Variants in ZRANB2 observed in about 807,000 individuals in gnomAD.
The protein encoded by ZRANB2 is zinc finger RANBP2-type containing 2.
In ZRANB2, 19 loss-of-function variants were observed where a neutral mutation model predicts 53.4. The observed-to-expected ratio is 0.36, with a 90% CI of 0.25 to 0.52. The LOEUF (loss-of-function observed/expected upper bound fraction) is 0.52, where lower values mean the gene tolerates loss of function less well. Among genes scored for constraint, ZRANB2 ranks in the 20% least tolerant of loss-of-function variants. The probability of loss-of-function intolerance (pLI) is 0.93; values close to 1 mark genes in which losing one functional copy is unlikely to be tolerated. For synonymous variants in ZRANB2, 145 were observed against 134.8 expected, an observed-to-expected ratio of 1.08 and a Z score of -0.52; for missense variants, 309 against 401.1, an observed-to-expected ratio of 0.77 and a Z score of 1.96.
Position 71,076,883 on chromosome 1 carries a change from G to C in ZRANB2, c.219-6C>G. 2 of 1,607,516 alleles carry C rather than the reference G, an allele frequency of 1.2e-6. No individual in the cohort carries two copies. Among genetic ancestry groups the C allele is most frequent in the Non-Finnish European group, 1.7e-6 (2 of 1,175,446 alleles). ...CCCAATTCACATTGCTGCAACTTTA[G>C]AAGTGAAAAATACTAAATTAGTAGG... On this transcript the variant is annotated splice_polypyrimidine_tract_variant and splice_region_variant and intron_variant, in intron 3 of 9. Coordinates refer to ENST00000370920, the MANE Select transcript of ZRANB2 (RefSeq NM_203350.3).
rs1317034909 is a variant in ZRANB2 at position 71,070,928 on chromosome 1, A to G, written c.582T>C (p.Asn194=). The part of the protein sequence containing the change: ...NLDASEEEDS[N]KKKSNRRSRS... ...GACTTCGTCTATTAGATTTCTTTTTATTACTATCTTCTTCTTCACTGGCAT... is the reference window on the plus strand; with the variant it reads ...GACTTCGTCTATTAGATTTCTTTTTGTTACTATCTTCTTCTTCACTGGCAT... The change falls in exon 7 of 10, where the codon AAT becomes AAC. Residue 194 remains asparagine (N), a synonymous_variant. Transcript: ENST00000370920. The G allele has an allele frequency of 6.2e-7, 1 of 1,611,630 alleles. No individual in the cohort carries two copies. The highest frequency in any genetic ancestry group is 8.5e-7 in the Non-Finnish European group (1 of 1,178,952).
At chr1:71,078,739 A>T (rs1445437417) in intron 1 of ZRANB2, 31 bp from the exon 2 acceptor site, 1 of 1,584,974 alleles carries the variant, frequency 6.3e-7, no homozygotes, top group South Asian at 1.1e-5. Context: ...ATTTATAAAA[A>T]TTTAAATTTG....
intron 9 of ZRANB2, 56 bp downstream of exon 9, chr1:71,066,719 CT>C (rs1357061214): frequency 3.9e-6 from 6 of 1,535,102 alleles, no homozygotes; most frequent in South Asian, 1.3e-5. Flanking sequence ...GGAAAGTTTA[CT>C]TTATCTATTA....
chr1:71,073,775 T>G (rs1211502534), intron 4 of ZRANB2, among the ~76,000 whole-genome samples: 1 of 152,212 alleles, frequency 6.6e-6, no homozygotes, highest in African/African-American at 2.4e-5. Context: ...TTCAAAAGTA[T>G]GTAAATAAAA....
At position 71,063,428 on chromosome 1, in the gene ZRANB2, T is replaced by C. The variant is rs1406662174; in HGVS notation, c.*1646A>G. ...AGCTTAGTTAAACCAAATGAAATCA[T>C]AATCATCAGAATTGTCTGTAAACTA... On this transcript the variant is annotated 3_prime_UTR_variant, in exon 10 of 10. Coordinates refer to ENST00000370920, the MANE Select transcript of ZRANB2 (RefSeq NM_203350.3). The C allele has an allele frequency of 2.0e-5, 3 of 152,464 alleles. No homozygotes were observed. The highest frequency in any genetic ancestry group is 4.8e-5 in the African/African-American group (2 of 41,450). 9.4% of individuals were successfully genotyped at this position (152,464 alleles called of 1,614,324 possible). A position where few individuals can be genotyped will look rare whatever the true frequency, so the allele number is the denominator to read the frequency against.
chr1:71,067,350 A>C (rs71500632), intron 8 of ZRANB2: 3 of 200,222 alleles, frequency 1.5e-5, no homozygotes, highest in Admixed American at 1.2e-4. Flanking sequence ...GAAAATAAAC[A>C]TAATTCCATG....
intron 4 of ZRANB2, among the ~76,000 whole-genome samples, chr1:71,074,805 T>A (rs1162808085): frequency 6.6e-6 from 1 of 152,174 alleles, no homozygotes; most frequent in Non-Finnish European, 1.5e-5. Context: ...TTTATTCATA[T>A]CCTGTCTCAT....
At position 71,064,897 on chromosome 1, in the gene ZRANB2, A is replaced by C; in HGVS notation, c.*177T>G. On this transcript the variant is annotated 3_prime_UTR_variant, in exon 10 of 10. Transcript: ENST00000370920. ...ATCTATTTTGGGACATTATGGCTTA[A>C]AATGCTATTTACTTTTAACTTCACA... The C allele has an allele frequency of 2.2e-6, 1 of 461,110 alleles. No individual in the cohort carries two copies. Among genetic ancestry groups the C allele is most frequent in the Non-Finnish European group, 4.0e-6 (1 of 252,858 alleles). 28.6% of individuals were successfully genotyped at this position (461,110 alleles called of 1,614,324 possible). A position where few individuals can be genotyped will look rare whatever the true frequency, so the allele number is the denominator to read the frequency against.
chr1:71,073,962 A>T (rs940762622), intron 4 of ZRANB2, among the ~76,000 whole-genome samples: 1 of 152,134 alleles, frequency 6.6e-6, no homozygotes, highest in Non-Finnish European at 1.5e-5. Flanking sequence ...AGTGGAATCA[A>T]TGGAATGATA....
chr1:71,070,885 A>G lies in ZRANB2; in HGVS notation c.625T>C (p.Ser209Pro). 1 of 1,609,196 alleles carries G rather than the reference A, an allele frequency of 6.2e-7. No individual in the cohort carries two copies. The highest frequency in any genetic ancestry group is 8.5e-7 in the Non-Finnish European group (1 of 1,177,494). ...GAGCGTGATGAAGATCGTGAATGTG[A>G]AGATCGAGACTTTGAGCGACTTCGT... ...NRRSRSKSRS[S>P]HSRSSSRSSS... Residue 209 changes from serine to proline, a missense_variant, in exon 7 of 10, where the codon TCA becomes CCA. By Grantham distance (74) the Ser-to-Pro change is moderately conservative. Around this residue, in one of 3 missense-constraint regions of ZRANB2, gnomAD observed 211 missense variants for 196.1 expected, o/e 1.08. Coordinates refer to ENST00000370920, the MANE Select transcript of ZRANB2 (RefSeq NM_203350.3).
rs1259348496 is a variant in ZRANB2 at position 71,064,768 on chromosome 1, T to C, written c.*306A>G. ...TGTCTTAGCCAATGGACAGGATGTA[T>C]TTGGAAATGACAAAAATGGGTTTAA... On this transcript the variant is annotated 3_prime_UTR_variant, in exon 10 of 10. Coordinates refer to ENST00000370920, the MANE Select transcript of ZRANB2 (RefSeq NM_203350.3). 1 of 208,440 alleles carries C rather than the reference T, an allele frequency of 4.8e-6. No homozygotes were observed. The highest frequency in any genetic ancestry group is 2.3e-5 in the African/African-American group (1 of 43,160). The allele number at this position is 208,440 out of a possible 1,614,324, so 12.9% of individuals were successfully genotyped here. A position where few individuals can be genotyped will look rare whatever the true frequency, so the allele number is the denominator to read the frequency against.
chr1:71,079,518 G>A (rs982313781), intron 1 of ZRANB2, among the ~76,000 whole-genome samples: 2 of 152,088 alleles, frequency 1.3e-5, no homozygotes, highest in African/African-American at 4.8e-5. Flanking sequence ...GTGAAGTATG[G>A]GATGACACTA....
rs181152321 is a variant in ZRANB2 at position 71,078,193 on chromosome 1, C to G, written c.218+264G>C. 2.7e-3 allele frequency among the ~76,000 whole-genome samples: 417 copies of G among 152,198 alleles called. 2 individuals carry two copies. Among genetic ancestry groups the G allele is most frequent in the Admixed American group, 4.5e-3 (69 of 15,286 alleles). On this transcript the variant is annotated intron_variant, in intron 3 of 9. Coordinates refer to ENST00000370920, the MANE Select transcript of ZRANB2 (RefSeq NM_203350.3). ...TTAGTACTTTTAAGTACCACCACCC[C>G]CCGATTGGTTTTGAGCTTACCATAA...
chr1:71,065,243 A>G (rs1314198412), intron 9 of ZRANB2, 106 bp from the exon 10 acceptor site: 2 of 847,526 alleles, frequency 2.4e-6, no homozygotes, highest in Non-Finnish European at 3.6e-6. Flanking sequence ...CCATGATGCT[A>G]GCAAAAAAAT....
At chr1:71,068,616 T>C (rs1015338078) in intron 8 of ZRANB2, among the ~76,000 whole-genome samples, 19 of 152,114 alleles carry the variant, frequency 1.2e-4, no homozygotes, top group Admixed American at 3.3e-4. Flanking sequence ...GAAAGGAAAA[T>C]GTATATACAG....
intron 4 of ZRANB2, among the ~76,000 whole-genome samples, chr1:71,076,353 T>C (rs1252187751): frequency 6.6e-6 from 1 of 152,202 alleles, no homozygotes. Flanking sequence ...GCAATCGATA[T>C]TTGAAAAAGT....
At chr1:71,068,380 ATTAAC>A (rs1661506936) in intron 8 of ZRANB2, among the ~76,000 whole-genome samples, 1 of 152,210 alleles carries the variant, frequency 6.6e-6, no homozygotes, top group Non-Finnish European at 1.5e-5. Flanking sequence ...GTCATAATAA[ATTAAC>A]TTAAAAACAA....
chr1:71,072,805 A>G (rs1573056804), intron 4 of ZRANB2, among the ~76,000 whole-genome samples: 1 of 152,230 alleles, frequency 6.6e-6, no homozygotes. Context: ...ATTCATAGAA[A>G]GTATTGGTGG....
intron 3 of ZRANB2, among the ~76,000 whole-genome samples, chr1:71,077,824 C>G (rs994340815): frequency 6.6e-6 from 1 of 152,092 alleles, no homozygotes; most frequent in Non-Finnish European, 1.5e-5. Context: ...CCACTGCACT[C>G]CAGCCTGGGT....
Sources: gnomAD v4.1 joint callset for allele counts (sites outside exome capture counted in the v4.1 genomes callset) on GRCh38, gnomAD v4.1.1 for gene constraint, gnomAD v4.1.1 regional missense constraint, MANE v1.5 for transcripts, NCBI Gene and HGNC (gene_info 2026-07-23, HGNC 2026-07-21) for gene names.